Variants in TESK2 observed in about 807,000 individuals in gnomAD.
TESK2 encodes the protein testis associated actin remodelling kinase 2.
Under a neutral mutation model 57.1 loss-of-function variants are expected in TESK2, and 39 were observed. The observed-to-expected ratio is 0.68, with a 90% CI of 0.53 to 0.89. TESK2 has a LOEUF of 0.89. Among genes scored for constraint, TESK2 ranks in the 40% least tolerant of loss-of-function variants. TESK2 has a pLI of 0.00. For missense variants in TESK2, 646 were observed against 732.1 expected, an observed-to-expected ratio of 0.88 and a Z score of 1.36; for synonymous variants, 249 against 267.9, an observed-to-expected ratio of 0.93 and a Z score of 0.69.
intron 3 of TESK2, among the ~76,000 whole-genome samples, chr1:45,394,520 A>G (rs1649276765): frequency 6.6e-6 from 1 of 151,268 alleles, no homozygotes; most frequent in Non-Finnish European, 1.5e-5. Flanking sequence ...GCAGACTCGC[A>G]CTCTGTAGGT....
intron 3 of TESK2, chr1:45,415,211 G>A (rs1054924244): frequency 1.9e-5 from 29 of 1,495,804 alleles, no homozygotes; most frequent in South Asian, 1.0e-4. Context: ...TTATGTGTCC[G>A]GTTGGATGGC....
intron 1 of TESK2, among the ~76,000 whole-genome samples, chr1:45,458,214 T>C (rs1421952738): frequency 1.3e-5 from 2 of 152,186 alleles, no homozygotes; most frequent in Non-Finnish European, 2.9e-5. Flanking sequence ...ATCCATGATA[T>C]AAGGATTATT....
intron 3 of TESK2, among the ~76,000 whole-genome samples, chr1:45,399,425 C>T (rs1649508627): frequency 6.6e-6 from 1 of 152,120 alleles, no homozygotes; most frequent in Admixed American, 6.6e-5. Flanking sequence ...AGCAATTCTC[C>T]TGCCTCAGCA....
intron 4 of TESK2, among the ~76,000 whole-genome samples, chr1:45,366,352 G>T (rs1415781325): frequency 6.6e-6 from 1 of 152,176 alleles, no homozygotes; most frequent in Non-Finnish European, 1.5e-5. Context: ...CTCCCAAAGT[G>T]TTGGGATTAC....
At chr1:45,435,689 T>C (rs1176808150) in intron 2 of TESK2, among the ~76,000 whole-genome samples, 1 of 150,558 alleles carries the variant, frequency 6.6e-6, no homozygotes, top group African/African-American at 2.4e-5. Flanking sequence ...TCTAGTAGTT[T>C]TGTAGTTTGG....
intron 2 of TESK2, among the ~76,000 whole-genome samples, chr1:45,437,213 T>C (rs1651268494): frequency 6.6e-6 from 1 of 152,234 alleles, no homozygotes; most frequent in Non-Finnish European, 1.5e-5. Context: ...TCTATTTTTT[T>C]GTGTCCTCTT....
rs573397022 is a variant in TESK2, at chr1:45,440,408, C to T, written c.222+17156G>A. ...CACATAATCATCAAAAATAAAATCA[C>T]ACCTAAAAAATAGTGGGGCCAGGGG... On this transcript the variant is annotated intron_variant, in intron 2 of 10. Transcript: ENST00000372086. Among the ~76,000 whole-genome samples the T allele has an allele frequency of 5.5e-4, 83 of 152,024 alleles. 2 individuals are homozygous for T. The highest frequency in any genetic ancestry group is 2.0e-3 in the African/African-American group (82 of 41,516).
chr1:45,444,061 CCTATCTA>C (rs1456713812), intron 2 of TESK2, among the ~76,000 whole-genome samples: 1 of 151,806 alleles, frequency 6.6e-6, no homozygotes, highest in Non-Finnish European at 1.5e-5. Flanking sequence ...TGCCTGCAGT[CCTATCTA>C]CTTGTGAAGC....
At chr1:45,401,969 T>C (rs1402121726) in intron 3 of TESK2, among the ~76,000 whole-genome samples, 3 of 151,716 alleles carry the variant, frequency 2.0e-5, no homozygotes, top group Non-Finnish European at 4.4e-5. Flanking sequence ...GTAACAACAA[T>C]TAAGAGGCCT....
At position 45,431,105 on chromosome 1, in the gene TESK2, A is replaced by G. The variant is rs1650931415; in HGVS notation, c.223-9259T>C. Among the ~76,000 whole-genome samples the G allele has an allele frequency of 3.3e-5, 5 of 152,204 alleles. 1 individual carries two copies. In the South Asian group the frequency reaches 1.0e-3, roughly 31 times the overall value. On this transcript the variant is annotated intron_variant, in intron 2 of 10. Coordinates refer to ENST00000372086, the MANE Select transcript of TESK2 (RefSeq NM_007170.3). ...ATCTTCCTTGCAACTAGGAGAGTCT[A>G]TGTTACACAGTGCTAGTAAGAAGAT...
rs894871972 is a variant in TESK2, at chr1:45,491,086, G to C, written c.-321C>G. 3 of 152,248 alleles carry C rather than the reference G, an allele frequency of 2.0e-5. No homozygotes were observed. Among genetic ancestry groups the C allele is most frequent in the African/African-American group, 7.2e-5 (3 of 41,460 alleles). 9.4% of individuals were successfully genotyped at this position (152,248 alleles called of 1,614,324 possible). On this transcript the variant is annotated 5_prime_UTR_variant, in exon 1 of 11. Coordinates refer to ENST00000372086, the MANE Select transcript of TESK2 (RefSeq NM_007170.3). ...CGGGGCCGCTCCCCCCGCCTGTTTG[G>C]CGGGGCCAGGAGGACGATCCGACCA...
chr1:45,481,021 G>C (rs981416503), intron 1 of TESK2, among the ~76,000 whole-genome samples: 2 of 150,850 alleles, frequency 1.3e-5, no homozygotes. Flanking sequence ...CAAAAAAAAA[G>C]AATGAGGAAG....
intron 2 of TESK2, among the ~76,000 whole-genome samples, chr1:45,432,255 G>A (rs1361744465): frequency 2.0e-5 from 3 of 151,906 alleles, no homozygotes; most frequent in African/African-American, 4.8e-5. Flanking sequence ...AGTAGGTCTT[G>A]AACACCTGGC....
At chr1:45,354,946 G>A (rs1402537609) in intron 5 of TESK2, among the ~76,000 whole-genome samples, 1 of 151,230 alleles carries the variant, frequency 6.6e-6, no homozygotes, top group Non-Finnish European at 1.5e-5. Context: ...CACTTTGGGA[G>A]GCCAAGGCGG....
intron 2 of TESK2, among the ~76,000 whole-genome samples, chr1:45,423,858 T>C (rs548621470): frequency 1.3e-5 from 2 of 152,308 alleles, no homozygotes; most frequent in South Asian, 4.1e-4. Flanking sequence ...CCATAACACT[T>C]TACTTGAGAA....
At chr1:45,482,618 A>G (rs1653274689) in intron 1 of TESK2, among the ~76,000 whole-genome samples, 1 of 137,666 alleles carries the variant, frequency 7.3e-6, no homozygotes, top group Non-Finnish European at 1.6e-5. Context: ...AAAAAAAAAA[A>G]GTAAATTCAT....
At position 45,444,891 on chromosome 1, in the gene TESK2, T is replaced by C. The variant is rs144674020; in HGVS notation, c.222+12673A>G. ...TCAGGAAACTAACCCCCTGCTTGCT[T>C]GGGGATGAAACTGCCTTTATAAAAC... On this transcript the variant is annotated intron_variant, in intron 2 of 10. Transcript: ENST00000372086. 9.9e-5 allele frequency among the ~76,000 whole-genome samples: 15 copies of C among 151,988 alleles called. No homozygotes were observed. The East Asian group carries it at 2.7e-3, about 27-fold the overall frequency.
intron 1 of TESK2, among the ~76,000 whole-genome samples, chr1:45,471,682 A>C (rs994044139): frequency 6.6e-6 from 1 of 152,168 alleles, no homozygotes; most frequent in African/African-American, 2.4e-5. Context: ...CTGAGATTAC[A>C]GGCATGAGCC....
At chr1:45,486,392 C>T (rs901045701) in intron 1 of TESK2, among the ~76,000 whole-genome samples, 1 of 152,106 alleles carries the variant, frequency 6.6e-6, no homozygotes, top group African/African-American at 2.4e-5. Context: ...AAAAGCAAGT[C>T]AGTTTTCTCC....
Sources: gnomAD v4.1 joint callset for allele counts (sites outside exome capture counted in the v4.1 genomes callset) on GRCh38, gnomAD v4.1.1 for gene constraint, MANE v1.5 for transcripts, NCBI Gene and HGNC (gene_info 2026-07-23, HGNC 2026-07-21) for gene names.